Variants in DNM1 observed in about 807,000 individuals in gnomAD.
DNM1 encodes dynamin-1.
Under a neutral mutation model 104.6 loss-of-function variants are expected in DNM1, and 29 were observed. The ratio of observed to expected loss-of-function variants is 0.28; its 90% CI spans 0.21 to 0.38. DNM1 has a LOEUF of 0.38. Ranked by LOEUF, DNM1 falls within the 10% of genes least tolerant of loss-of-function variation. The pLI, the probability that DNM1 is intolerant of heterozygous loss-of-function variation, is 1.00. For synonymous variants in DNM1, 445 were observed against 475.8 expected, an observed-to-expected ratio of 0.94 and a Z score of 0.84; for missense variants, 640 against 1,189.4, an observed-to-expected ratio of 0.54 and a Z score of 6.79.
At chr9:128,214,962 A>T (rs138108971) in intron 1 of DNM1, among the ~76,000 whole-genome samples, 192 of 152,338 alleles carry the variant, frequency 1.3e-3, no homozygotes, top group African/African-American at 4.4e-3. Context: ...CAGAGGGCTA[A>T]AGTGGGACAG....
chr9:128,249,858 C>T (rs1234353493), intron 19 of DNM1, among the ~76,000 whole-genome samples: 4 of 151,948 alleles, frequency 2.6e-5, no homozygotes, highest in African/African-American at 4.8e-5. Flanking sequence ...ACTGAGTAGA[C>T]AAGAGTTCTG....
At chr9:128,211,596 T>C (rs1336998189) in intron 1 of DNM1, among the ~76,000 whole-genome samples, 2 of 147,972 alleles carry the variant, frequency 1.4e-5, no homozygotes, top group Non-Finnish European at 3.0e-5. Flanking sequence ...GGGCTTGAAC[T>C]CCTGGCCCCA....
Position 128,254,160 on chromosome 9 carries a change from C to A in DNM1, c.2535-494C>A, listed in dbSNP as rs1214345199. 2 of 1,309,434 alleles carry A rather than the reference C, an allele frequency of 1.5e-6. No individual in the cohort carries two copies. The highest frequency in any genetic ancestry group is 3.1e-5 in the African/African-American group (2 of 64,870). 81.1% of individuals were successfully genotyped at this position (1,309,434 alleles called of 1,614,324 possible). A position where few individuals can be genotyped will look rare whatever the true frequency, so the allele number is the denominator to read the frequency against. ...CAGAGGGTCCTGGGTTTTCTGAACACCCAGAGGGGCCTCCGGCGCTCCCTC... is the reference window on the plus strand; with the variant it reads ...CAGAGGGTCCTGGGTTTTCTGAACAACCAGAGGGGCCTCCGGCGCTCCCTC... On this transcript the variant is annotated intron_variant, in intron 21 of 21. Coordinates refer to ENST00000372923, the MANE Select transcript of DNM1 (RefSeq NM_004408.4). The surrounding 1 kb of genome is among the most constrained non-coding windows in gnomAD (Gnocchi z 6.1).
chr9:128,218,523 C>T lies in DNM1; in HGVS notation c.236-59C>T. 1 of 1,570,498 alleles carries T rather than the reference C, an allele frequency of 6.4e-7. No individual in the cohort carries two copies. The highest frequency in any genetic ancestry group is 1.2e-5 in the South Asian group (1 of 85,492). ...TATTACCGGTGGGAGATGAAAACCC[C>T]CAGGTGGGGTTCCAGACCTTGATGC... is the stretch of plus-strand genomic sequence containing the variant. On this transcript the variant is annotated intron_variant, in intron 2 of 21. Coordinates refer to ENST00000372923, the MANE Select transcript of DNM1 (RefSeq NM_004408.4). This position sits in a 1 kb window ranked among gnomAD's most constrained non-coding sequence, Gnocchi z 4.8.
chr9:128,207,159 C>T (rs1157769662), intron 1 of DNM1, among the ~76,000 whole-genome samples: 1 of 151,896 alleles, frequency 6.6e-6, no homozygotes, highest in Non-Finnish European at 1.5e-5. Context: ...GAGGAGCAGA[C>T]TGGGGGGATG....
At chr9:128,225,036 C>T (rs573248182) in intron 10 of DNM1, among the ~76,000 whole-genome samples, 7 of 152,240 alleles carry the variant, frequency 4.6e-5, no homozygotes, top group South Asian at 4.1e-4. Flanking sequence ...CACAGAAGCA[C>T]GCAGGGAGGC....
chr9:128,254,290 G>A lies in DNM1; in HGVS notation c.2535-364G>A. On this transcript the variant is annotated intron_variant, in intron 21 of 21. Coordinates refer to ENST00000372923, the MANE Select transcript of DNM1 (RefSeq NM_004408.4). This position sits in a 1 kb window ranked among gnomAD's most constrained non-coding sequence, Gnocchi z 6.1. ...TCCCCAAGGCAAGGGGTGGCCCCAG[G>A]CCAGTGGGTTGGAAGACAGGGTGAC... 1 of 1,393,770 alleles carries A rather than the reference G, an allele frequency of 7.2e-7. No homozygotes were observed. The highest frequency in any genetic ancestry group is 9.2e-7 in the Non-Finnish European group (1 of 1,084,206). 86.3% of individuals were successfully genotyped at this position (1,393,770 alleles called of 1,614,324 possible). A position where few individuals can be genotyped will look rare whatever the true frequency, so the allele number is the denominator to read the frequency against.
Position 128,254,283 on chromosome 9 carries a change from G to A in DNM1, c.2535-371G>A. ...ATGGGGCTCCCCAAGGCAAGGGGTG[G>A]CCCCAGGCCAGTGGGTTGGAAGACA... On this transcript the variant is annotated intron_variant, in intron 21 of 21. Coordinates refer to ENST00000372923, the MANE Select transcript of DNM1 (RefSeq NM_004408.4). The surrounding 1 kb of genome is among the most constrained non-coding windows in gnomAD (Gnocchi z 6.1). The A allele has an allele frequency of 7.2e-7, 1 of 1,385,458 alleles. No homozygotes were observed. The allele number at this position is 1,385,458 out of a possible 1,614,324, so 85.8% of individuals were successfully genotyped here.
chr9:128,254,513 C>A lies in DNM1; in HGVS notation c.2535-141C>A. On this transcript the variant is annotated intron_variant, in intron 21 of 21. Transcript: ENST00000372923. The surrounding 1 kb of genome is among the most constrained non-coding windows in gnomAD (Gnocchi z 6.1). ...CCCCTTTTCCAGGAACCTTGCCACA[C>A]CCACACCTGCAGCCTCCCCTCCCCG... The A allele has an allele frequency of 6.5e-7, 1 of 1,538,700 alleles. No individual in the cohort carries two copies. The highest frequency in any genetic ancestry group is 2.4e-5 in the East Asian group (1 of 41,520).
chr9:128,222,111 C>G lies in DNM1; in HGVS notation c.850-86C>G. 12 of 1,500,416 alleles carry G rather than the reference C, an allele frequency of 8.0e-6. No individual in the cohort carries two copies. Among genetic ancestry groups the G allele is most frequent in the Non-Finnish European group, 1.1e-5 (12 of 1,114,344 alleles). 92.9% of individuals were successfully genotyped at this position (1,500,416 alleles called of 1,614,324 possible). ...TGCCCTCCATAGCTCTCCACCTCAC[C>G]ACGTTCACACAGTCCCCTGGCATCC... On this transcript the variant is annotated intron_variant, in intron 6 of 21. Transcript: ENST00000372923. The surrounding 1 kb of genome is among the most constrained non-coding windows in gnomAD (Gnocchi z 7.8).
At position 128,222,959 on chromosome 9, in the gene DNM1, T is replaced by A. The variant is rs1835109102; in HGVS notation, c.1196+99T>A. On this transcript the variant is annotated intron_variant, in intron 9 of 21. Coordinates refer to ENST00000372923, the MANE Select transcript of DNM1 (RefSeq NM_004408.4). The surrounding 1 kb of genome is among the most constrained non-coding windows in gnomAD (Gnocchi z 7.8). ...GAAGTGGGCCTCCCTCAGGAAGGAC[T>A]GAAAGCTCTGTTCCCCAGTCCTCTC... 6 of 1,182,488 alleles carry A rather than the reference T, an allele frequency of 5.1e-6. No individual in the cohort carries two copies. The highest frequency in any genetic ancestry group is 6.2e-6 in the Non-Finnish European group (5 of 805,606). The allele number at this position is 1,182,488 out of a possible 1,614,324, so 73.2% of individuals were successfully genotyped here.
At chr9:128,246,285 A>T (rs1836812744) in intron 15 of DNM1, 109 bp from the exon 16 acceptor site, 3 of 778,958 alleles carry the variant, frequency 3.9e-6, no homozygotes, top group Non-Finnish European at 6.8e-6. Context: ...TCGCAGTGGG[A>T]GGGGGCTGAT....
intron 21 of DNM1, chr9:128,252,317 C>G (rs992138279): frequency 4.0e-5 from 14 of 352,156 alleles, no homozygotes; most frequent in African/African-American, 3.0e-4. Context: ...GATGCCTGCC[C>G]CAACTCCAGT....
chr9:128,229,907 C>T (rs111792949), intron 10 of DNM1, among the ~76,000 whole-genome samples: 37,807 of 150,248 alleles, frequency 0.25, 5,122 homozygotes, highest in South Asian at 0.36. Context: ...AGCGAGACTC[C>T]GTCTCAAAGG....
Position 128,222,690 on chromosome 9 carries a change from C to A in DNM1, c.1128+94C>A. 4 of 1,601,530 alleles carry A rather than the reference C, an allele frequency of 2.5e-6. No homozygotes were observed. Among genetic ancestry groups the A allele is most frequent in the Admixed American group, 1.7e-5 (1 of 59,670 alleles). The stretch of plus-strand genomic sequence containing the variant: ...CGTGTGTTTTTGCTGGCCCCCACCC[C>A]ACAGGCCCTGATGCCCAGCCCTAGG... On this transcript the variant is annotated intron_variant, in intron 8 of 21. Coordinates refer to ENST00000372923, the MANE Select transcript of DNM1 (RefSeq NM_004408.4). The surrounding 1 kb of genome is among the most constrained non-coding windows in gnomAD (Gnocchi z 7.8).
Position 128,250,921 on chromosome 9 carries a change from G to A in DNM1, c.2515G>A (p.Ala839Thr). 7.3e-7 allele frequency: 1 copy of A among 1,368,322 alleles called. No individual in the cohort carries two copies. The highest frequency in any genetic ancestry group is 9.4e-7 in the Non-Finnish European group (1 of 1,060,222). 84.8% of individuals were successfully genotyped at this position (1,368,322 alleles called of 1,614,324 possible). ...TCAGGTGCCCTCGCGCCCCAACCGC[G>A]CCCCGCCCGGGGTCCCCAGGTGAGT... ...PPQVPSRPNRAPPGVPSRSGQ... is the reference protein window; with the variant it reads ...PPQVPSRPNRTPPGVPSRSGQ... Residue 839 changes from alanine to threonine, a missense_variant, in exon 21 of 22, where the codon GCC becomes ACC. Coordinates refer to ENST00000372923, the MANE Select transcript of DNM1 (RefSeq NM_004408.4).
At chr9:128,205,047 C>A (rs1325230051) in intron 1 of DNM1, among the ~76,000 whole-genome samples, 1 of 152,098 alleles carries the variant, frequency 6.6e-6, no homozygotes, top group East Asian at 1.9e-4. Context: ...CGTTGGAAGG[C>A]CACCGTGGGG....
intron 1 of DNM1, among the ~76,000 whole-genome samples, chr9:128,214,694 G>A (rs1262465559): frequency 2.0e-5 from 3 of 152,312 alleles, no homozygotes; most frequent in Admixed American, 6.5e-5. Flanking sequence ...CATGTTTCAC[G>A]TTTGAAGGTG....
rs756742677 is a variant in DNM1 at position 128,242,376 on chromosome 9, C to T, written c.1671+31C>T. On this transcript the variant is annotated intron_variant, in intron 15 of 21. Transcript: ENST00000372923. ...TCAAGGGCCAGTGGTCATCAAGGGG[C>T]TGGGCTGGTGGACAGAGTCAGGCTC... is the stretch of plus-strand genomic sequence containing the variant. The T allele has an allele frequency of 2.3e-6, 3 of 1,291,762 alleles. No homozygotes were observed. The South Asian group carries it at 3.6e-5, about 15-fold the overall frequency. The allele number at this position is 1,291,762 out of a possible 1,614,324, so 80.0% of individuals were successfully genotyped here.
Sources: gnomAD v4.1 joint callset for allele counts (sites outside exome capture counted in the v4.1 genomes callset) on GRCh38, gnomAD v4.1.1 for gene constraint, Gnocchi (gnomAD v3.1) non-coding constraint, MANE v1.5 for transcripts, NCBI Gene and HGNC (gene_info 2026-07-23, HGNC 2026-07-21) for gene names.